The following MMP26 variants were observed in gnomAD, a reference collection of about 807,000 sequenced individuals.
MMP26 encodes the protein matrix metallopeptidase 26.
Under a neutral mutation model 31.0 loss-of-function variants are expected in MMP26, and 33 were observed. The ratio of observed to expected loss-of-function variants is 1.06; its 90% CI spans 0.81 to 1.42. The LOEUF (loss-of-function observed/expected upper bound fraction) is 1.42, where lower values mean the gene tolerates loss of function less well. MMP26 is among the 40% of genes most tolerant of loss of function. MMP26 has a pLI of 0.00. For missense variants in MMP26, 347 were observed against 316.1 expected, an observed-to-expected ratio of 1.10 and a Z score of -0.74; for synonymous variants, 122 against 114.9, an observed-to-expected ratio of 1.06 and a Z score of -0.40.
At chr11:4,871,787 A>T (rs1425965291) in intron 2 of MMP26, 2 of 152,200 alleles carry the variant, frequency 1.3e-5, no homozygotes, top group Admixed American at 6.6e-5. Context: ...TTCTTTGAGG[A>T]TCTTGTCACA....
At chr11:4,933,732 C>T (rs1851388511) in intron 2 of MMP26, among the ~76,000 whole-genome samples, 1 of 125,228 alleles carries the variant, frequency 8.0e-6, no homozygotes, top group African/African-American at 3.0e-5. Context: ...CCTCCCCCCA[C>T]CCCACCACAG....
chr11:4,711,372 C>A (rs1271035329), intron 1 of MMP26: 1 of 152,164 alleles, frequency 6.6e-6, no homozygotes, highest in Non-Finnish European at 1.5e-5. Flanking sequence ...ATATCCCAAA[C>A]ATTACAACAG....
chr11:4,918,401 A>G (rs1851130765), intron 2 of MMP26, among the ~76,000 whole-genome samples: 1 of 152,148 alleles, frequency 6.6e-6, no homozygotes, highest in Admixed American at 6.6e-5. Context: ...TGGGATTGGA[A>G]CTTGTGCTTC....
At chr11:4,971,960 G>A (rs576478204) in intron 2 of MMP26, among the ~76,000 whole-genome samples, 1 of 152,242 alleles carries the variant, frequency 6.6e-6, no homozygotes, top group South Asian at 2.1e-4. Context: ...CGCCCTTCAT[G>A]AGGGATTCAC....
At chr11:4,779,427 A>T (rs2133430007) in intron 2 of MMP26, among the ~76,000 whole-genome samples, 1 of 152,146 alleles carries the variant, frequency 6.6e-6, no homozygotes, top group Non-Finnish European at 1.5e-5. Flanking sequence ...CTCTAAGTTA[A>T]TGAGAATTTT....
intron 2 of MMP26, among the ~76,000 whole-genome samples, chr11:4,844,312 G>A (rs1456075604): frequency 1.3e-5 from 2 of 152,082 alleles, no homozygotes; most frequent in Non-Finnish European, 2.9e-5. Context: ...GGGATACGAT[G>A]GATTCACTGC....
intron 2 of MMP26, among the ~76,000 whole-genome samples, chr11:4,794,571 C>G (rs1849078864): frequency 6.6e-6 from 1 of 152,118 alleles, no homozygotes; most frequent in Non-Finnish European, 1.5e-5. Context: ...TTTGTTGCAG[C>G]TTATAATGCA....
intron 1 of MMP26, among the ~76,000 whole-genome samples, chr11:4,751,407 A>G (rs942808620): frequency 7.9e-5 from 12 of 152,172 alleles, no homozygotes; most frequent in African/African-American, 2.9e-4. Flanking sequence ...CAATCATAAA[A>G]TATTTAATGA....
chr11:4,866,613 C>A (rs767463911), intron 2 of MMP26, among the ~76,000 whole-genome samples: 31 of 152,138 alleles, frequency 2.0e-4, no homozygotes, highest in South Asian at 1.2e-3. Context: ...CAAAAAAGAG[C>A]CTGAATAGCC....
chr11:4,947,814 T>A (rs1846334390), intron 2 of MMP26, among the ~76,000 whole-genome samples: 1 of 125,036 alleles, frequency 8.0e-6, no homozygotes, highest in Non-Finnish European at 1.8e-5. Context: ...AACATCTAGG[T>A]CTGTAATAAG....
intron 2 of MMP26, among the ~76,000 whole-genome samples, chr11:4,813,982 C>T (rs565434752): frequency 6.6e-6 from 1 of 151,984 alleles, no homozygotes; most frequent in African/African-American, 2.4e-5. Context: ...TTAAACAGGC[C>T]GTGTACAGCA....
At position 4,942,089 on chromosome 11, in the gene MMP26, CA is replaced by C. The variant is rs201626472; in HGVS notation, c.-144-45958del. ...TGGGCAGCAGAATGAGAGTCCATCT[CA>C]AAAAAAAAAAAAAAAAAAAAGGAAG... On this transcript the variant is annotated intron_variant, in intron 2 of 7. Transcript: ENST00000380390. Among the ~76,000 whole-genome samples the C allele has an allele frequency of 3.0e-3, 113 of 37,130 alleles. 2 individuals carry two copies. The highest frequency in any genetic ancestry group is 8.8e-3 in the African/African-American group (79 of 8,952). The allele number at this position is 37,130 out of a possible 152,430, so 24.4% of individuals were successfully genotyped here. A position where few individuals can be genotyped will look rare whatever the true frequency, so the allele number is the denominator to read the frequency against.
chr11:4,843,794 C>G (rs1292024562), intron 2 of MMP26, among the ~76,000 whole-genome samples: 1 of 152,202 alleles, frequency 6.6e-6, no homozygotes, highest in Admixed American at 6.5e-5. Context: ...ACCACATGGT[C>G]AGGCTGCAAA....
rs569129956 is a variant in MMP26, at chr11:4,735,528, T to C, written c.-217+30483T>C. ...ATGGTTCCCAGGCTGGATTTAACAT[T>C]TGTCTTATATATTCTTATTACTCCT... On this transcript the variant is annotated intron_variant, in intron 1 of 7. Transcript: ENST00000380390. Among the ~76,000 whole-genome samples, 13 of 152,314 alleles carry C rather than the reference T, an allele frequency of 8.5e-5. No homozygotes were observed. The East Asian group carries it at 2.3e-3, about 27-fold the overall frequency.
At chr11:4,865,294 A>C (rs903335643) in intron 2 of MMP26, among the ~76,000 whole-genome samples, 12 of 152,174 alleles carry the variant, frequency 7.9e-5, no homozygotes, top group African/African-American at 2.9e-4. Flanking sequence ...CTTTTACATT[A>C]GGAAAAAAGG....
intron 2 of MMP26, among the ~76,000 whole-genome samples, chr11:4,781,112 G>A (rs954249226): frequency 2.0e-5 from 3 of 152,086 alleles, no homozygotes; most frequent in African/African-American, 7.2e-5. Flanking sequence ...CAGGGGCTGG[G>A]GGTAGAAAAG....
intron 2 of MMP26, among the ~76,000 whole-genome samples, chr11:4,925,821 T>A (rs543272340): frequency 6.6e-6 from 1 of 152,256 alleles, no homozygotes; most frequent in African/African-American, 2.4e-5. Context: ...GTTTGTTTGT[T>A]TTTTAGACAT....
chr11:4,740,851 G>T (rs539871697), intron 1 of MMP26, among the ~76,000 whole-genome samples: 5 of 152,224 alleles, frequency 3.3e-5, no homozygotes, highest in Admixed American at 2.6e-4. Flanking sequence ...TCCACAGAAT[G>T]ACATTAATTT....
chr11:4,859,600 T>C, intron 2 of MMP26: 1 of 404,234 alleles, frequency 2.5e-6, no homozygotes, highest in South Asian at 1.9e-5. Context: ...TTACACATGA[T>C]TCCATTCTAC....
Sources: gnomAD v4.1 joint callset for allele counts (sites outside exome capture counted in the v4.1 genomes callset) on GRCh38, gnomAD v4.1.1 for gene constraint, MANE v1.5 for transcripts, NCBI Gene and HGNC (gene_info 2026-07-23, HGNC 2026-07-21) for gene names.